The following GABRA1 variants were observed in gnomAD, a reference collection of about 807,000 sequenced individuals.
GABRA1 encodes gamma-aminobutyric acid receptor subunit alpha-1.
Under a neutral mutation model 48.9 loss-of-function variants are expected in GABRA1, and 9 were observed. The ratio of observed to expected loss-of-function variants is 0.18; its 90% CI spans 0.11 to 0.32. The LOEUF is 0.32. Ranked by LOEUF, GABRA1 falls within the 10% of genes least tolerant of loss-of-function variation. GABRA1 has a pLI of 1.00. For missense variants in GABRA1, 285 were observed against 553.8 expected (o/e 0.51, Z 4.87); for synonymous variants, 210 against 198.7 (o/e 1.06, Z -0.48).
At chr5:161,850,961 C>T (rs888485249) in intron 2 of GABRA1, 77 bp downstream of exon 2, 13 of 1,248,406 alleles carry the variant, frequency 1.0e-5, no homozygotes, top group Non-Finnish European at 1.4e-5. Flanking sequence ...AGAAAATTGT[C>T]CTCAAATGAA....
At chr5:161,869,569 C>T (rs1754020380) in intron 4 of GABRA1, among the ~76,000 whole-genome samples, 3 of 152,180 alleles carry the variant, frequency 2.0e-5, no homozygotes, top group Admixed American at 2.0e-4. Flanking sequence ...CCAGGCAGTA[C>T]AATCACAGAG....
chr5:161,877,558 T>G (rs1754415371), intron 6 of GABRA1, among the ~76,000 whole-genome samples: 1 of 152,136 alleles, frequency 6.6e-6, no homozygotes, highest in South Asian at 2.1e-4. Context: ...AAAGGAGTAA[T>G]GCCTATACGA....
intron 3 of GABRA1, among the ~76,000 whole-genome samples, chr5:161,858,925 GA>G (rs1466257441): frequency 6.6e-6 from 1 of 151,740 alleles, no homozygotes; most frequent in Non-Finnish European, 1.5e-5. Context: ...GACAGCAAAG[GA>G]AACAGAGATG....
At chr5:161,868,683 A>G (rs528924521) in intron 4 of GABRA1, among the ~76,000 whole-genome samples, 5 of 152,266 alleles carry the variant, frequency 3.3e-5, no homozygotes, top group East Asian at 1.9e-4. Context: ...TCAATGTCCA[A>G]TAGGAGTTGT....
At chr5:161,892,868 G>C (rs1276545866) in intron 8 of GABRA1, among the ~76,000 whole-genome samples, 1 of 151,918 alleles carries the variant, frequency 6.6e-6, no homozygotes, top group Non-Finnish European at 1.5e-5. Context: ...GCTGGGTGTA[G>C]TGGTGGGTGC....
At chr5:161,890,190 T>C (rs7702392) in intron 7 of GABRA1, among the ~76,000 whole-genome samples, 26,691 of 151,952 alleles carry the variant, frequency 0.18, 3,093 homozygotes, top group African/African-American at 0.32. Flanking sequence ...GACCACTGTT[T>C]CCCAGATCAA....
At chr5:161,850,641 G>T (rs1237165467) in intron 1 of GABRA1, 155 bp from the exon 2 acceptor site, 1 of 669,586 alleles carries the variant, frequency 1.5e-6, no homozygotes, top group East Asian at 2.7e-5. Context: ...AGAATGGATG[G>T]TCCAGGTTTC....
Position 161,895,184 on chromosome 5 carries a change from C to T in GABRA1, c.857-482C>T, listed in dbSNP as rs193121189. Reference sequence around the variant, plus strand: ...GAGTCAATAAAGTGGCAATTTTCCCCGAATAGTTCAATTATCTATAAATTA... The same window carrying T: ...GAGTCAATAAAGTGGCAATTTTCCCTGAATAGTTCAATTATCTATAAATTA... On this transcript the variant is annotated intron_variant, in intron 8 of 9. Transcript: ENST00000393943. Among the ~76,000 whole-genome samples the T allele has an allele frequency of 3.0e-3, 463 of 152,048 alleles. 5 individuals are homozygous for T. The highest frequency in any genetic ancestry group is 3.4e-3 in the Admixed American group (52 of 15,272).
At chr5:161,860,850 A>G (rs774762961) in intron 3 of GABRA1, among the ~76,000 whole-genome samples, 11 of 151,812 alleles carry the variant, frequency 7.2e-5, no homozygotes, top group Non-Finnish European at 1.2e-4. Context: ...GGTGCACAGT[A>G]TTAGTAAACA....
intron 7 of GABRA1, among the ~76,000 whole-genome samples, chr5:161,886,929 A>C: frequency 6.6e-6 from 1 of 152,156 alleles, no homozygotes; most frequent in South Asian, 2.1e-4. Flanking sequence ...ATGCTTTCTA[A>C]GTAAGTCTTC....
chr5:161,878,125 C>A (rs1308653985), intron 6 of GABRA1, among the ~76,000 whole-genome samples: 1 of 152,134 alleles, frequency 6.6e-6, no homozygotes, highest in Non-Finnish European at 1.5e-5. Flanking sequence ...ACTGTAGGTT[C>A]TCAGTAAATA....
intron 2 of GABRA1, 62 bp downstream of exon 2, chr5:161,850,946 G>T (rs1757424768): frequency 2.1e-6 from 3 of 1,413,150 alleles, no homozygotes; most frequent in Admixed American, 1.7e-5. Context: ...TATTTTATCG[G>T]GGGAAGAAAA....
chr5:161,874,887 AAAAAC>A (rs1217488891), intron 5 of GABRA1, among the ~76,000 whole-genome samples: 1 of 152,142 alleles, frequency 6.6e-6, no homozygotes, highest in Non-Finnish European at 1.5e-5. Context: ...CAATCCAAAA[AAAAAC>A]AAAACAAAAC....
intron 4 of GABRA1, among the ~76,000 whole-genome samples, chr5:161,867,778 A>G (rs1249811993): frequency 1.3e-5 from 2 of 152,128 alleles, no homozygotes; most frequent in Non-Finnish European, 2.9e-5. Context: ...AATCATTTTT[A>G]TTAGTCCAAT....
At chr5:161,877,977 C>G (rs1454693867) in intron 6 of GABRA1, among the ~76,000 whole-genome samples, 1 of 152,146 alleles carries the variant, frequency 6.6e-6, no homozygotes, top group African/African-American at 2.4e-5. Context: ...GATCACAATG[C>G]ACATTTATTT....
At chr5:161,887,942 G>A in intron 7 of GABRA1, among the ~76,000 whole-genome samples, 1 of 152,064 alleles carries the variant, frequency 6.6e-6, no homozygotes, top group Admixed American at 6.6e-5. Flanking sequence ...CCTATGCAAG[G>A]TATTTACCTC....
intron 8 of GABRA1, among the ~76,000 whole-genome samples, chr5:161,894,216 T>A (rs1755255951): frequency 6.6e-6 from 1 of 152,118 alleles, no homozygotes; most frequent in Non-Finnish European, 1.5e-5. Flanking sequence ...TAAATCAACT[T>A]ACAAGAAAAA....
chr5:161,867,752 C>T (rs1003824536), intron 4 of GABRA1, among the ~76,000 whole-genome samples: 1 of 152,026 alleles, frequency 6.6e-6, no homozygotes, highest in African/African-American at 2.4e-5. Context: ...CAAATCAAGA[C>T]CCAAACGCTT....
intron 4 of GABRA1, among the ~76,000 whole-genome samples, chr5:161,866,760 A>G (rs1753877413): frequency 6.6e-6 from 1 of 152,124 alleles, no homozygotes; most frequent in African/African-American, 2.4e-5. Context: ...ATTCTGTAGA[A>G]CTAATATTCT....
Sources: allele counts gnomAD v4.1 joint callset (sites outside exome capture counted in the v4.1 genomes callset), GRCh38; gene constraint gnomAD v4.1.1; transcripts MANE v1.5; gene names NCBI Gene and HGNC (gene_info 2026-07-23, HGNC 2026-07-21).